The following PRDM5 variants were observed in gnomAD, a reference collection of about 807,000 sequenced individuals.
The protein encoded by PRDM5 is PR/SET domain 5.
PRDM5 carries 56 observed loss-of-function variants against 81.2 expected under a neutral mutation model. The ratio of observed to expected loss-of-function variants is 0.69; its 90% CI spans 0.56 to 0.86. PRDM5 has a LOEUF of 0.86. Among genes scored for constraint, PRDM5 ranks in the 40% least tolerant of loss-of-function variants. The pLI is 0.00. For synonymous variants in PRDM5, 267 were observed against 256.4 expected (o/e 1.04, Z -0.39); for missense variants, 697 against 770.1 (o/e 0.91, Z 1.12).
chr4:120,742,908 A>C (rs1177010088), intron 14 of PRDM5, among the ~76,000 whole-genome samples: 1 of 152,152 alleles, frequency 6.6e-6, no homozygotes, highest in African/African-American at 2.4e-5. Flanking sequence ...GCCAACGTTC[A>C]GGTTCAGGAA....
intron 14 of PRDM5, among the ~76,000 whole-genome samples, chr4:120,753,730 AC>A: frequency 6.6e-6 from 1 of 152,192 alleles, no homozygotes; most frequent in East Asian, 1.9e-4. Flanking sequence ...TCATTTACAT[AC>A]AGACCATACG....
intron 14 of PRDM5, among the ~76,000 whole-genome samples, chr4:120,747,971 G>A (rs942422420): frequency 1.3e-5 from 2 of 152,140 alleles, no homozygotes; most frequent in African/African-American, 2.4e-5. Context: ...GTTTTCTATC[G>A]TAAACAGTTA....
intron 14 of PRDM5, among the ~76,000 whole-genome samples, chr4:120,737,966 T>A (rs1050614708): frequency 1.3e-5 from 2 of 152,188 alleles, no homozygotes; most frequent in Non-Finnish European, 2.9e-5. Context: ...GGCACACAGC[T>A]GCTAAGGAAA....
chr4:120,889,094 T>A (rs1284214584), intron 2 of PRDM5, among the ~76,000 whole-genome samples: 1 of 152,184 alleles, frequency 6.6e-6, no homozygotes, highest in Non-Finnish European at 1.5e-5. Context: ...AATTTATCAT[T>A]TTTCCACTTA....
chr4:120,852,975 C>T (rs532168255), intron 3 of PRDM5, among the ~76,000 whole-genome samples: 1 of 151,846 alleles, frequency 6.6e-6, no homozygotes, highest in East Asian at 1.9e-4. Context: ...CTCTGGGAAA[C>T]CCTGACTAAC....
Position 120,783,510 on chromosome 4 carries a change from T to C in PRDM5, c.1282+1488A>G, listed in dbSNP as rs1190207549. Among the ~76,000 whole-genome samples, 14 of 152,108 alleles carry C rather than the reference T, an allele frequency of 9.2e-5. 1 individual carries two copies. The highest frequency in any genetic ancestry group is 9.2e-4 in the Admixed American group (14 of 15,242). On this transcript the variant is annotated intron_variant, in intron 11 of 15. Transcript: ENST00000264808. ...TGCTGTTATTAGAAATAAAATTTCA[T>C]CATTCCCAAGCAAAATTTCCCAAGC...
At chr4:120,842,675 T>C (rs917007954) in intron 3 of PRDM5, among the ~76,000 whole-genome samples, 18 of 152,276 alleles carry the variant, frequency 1.2e-4, no homozygotes, top group Non-Finnish European at 1.5e-5. Context: ...TAAAATGTTT[T>C]AAATTTTAAA....
rs115656109 is a variant in PRDM5, at chr4:120,877,078, A to T, written c.178-23538T>A. 4.3e-3 allele frequency among the ~76,000 whole-genome samples: 660 copies of T among 152,332 alleles called. 6 individuals carry two copies. The highest frequency in any genetic ancestry group is 0.016 in the African/African-American group (649 of 41,562). On this transcript the variant is annotated intron_variant, in intron 2 of 15. Transcript: ENST00000264808. ...TAAAAAATAACTTTTTCTCATGAGAAGGATAAAGACTAACTTGCTGAAAAA... is the reference window on the plus strand; with the variant it reads ...TAAAAAATAACTTTTTCTCATGAGATGGATAAAGACTAACTTGCTGAAAAA...
chr4:120,815,488 T>C (rs1197752645), intron 7 of PRDM5, among the ~76,000 whole-genome samples: 1 of 152,240 alleles, frequency 6.6e-6, no homozygotes, highest in African/African-American at 2.4e-5. Context: ...TAGCAGTTGT[T>C]CACGCTAGCC....
chr4:120,794,417 T>A (rs1435976281), intron 10 of PRDM5, among the ~76,000 whole-genome samples: 1 of 152,052 alleles, frequency 6.6e-6, no homozygotes, highest in African/African-American at 2.4e-5. Context: ...TTACTGTCTT[T>A]AAGGTCTAAT....
intron 14 of PRDM5, among the ~76,000 whole-genome samples, chr4:120,749,893 C>T (rs1370319993): frequency 6.6e-6 from 1 of 152,072 alleles, no homozygotes; most frequent in African/African-American, 2.4e-5. Flanking sequence ...TTTCTCATGC[C>T]CCAAACCTTC....
chr4:120,781,973 T>C (rs140705026), intron 11 of PRDM5, among the ~76,000 whole-genome samples: 3 of 152,298 alleles, frequency 2.0e-5, no homozygotes, highest in Non-Finnish European at 4.4e-5. Context: ...ACCCTGGGTA[T>C]TTCACTTTCT....
chr4:120,817,684 AT>A lies in PRDM5; in HGVS notation c.650+668del, dbSNP rs567527562. 2.7e-3 allele frequency among the ~76,000 whole-genome samples: 417 copies of A among 152,310 alleles called. 3 individuals are homozygous for A. The highest frequency in any genetic ancestry group is 3.9e-3 in the Non-Finnish European group (267 of 68,000). ...ATTACAAACTTTAATGAGTAAAAAAATAAAACTTTACAAATGCATATACCTA... is the reference window on the plus strand; with the variant it reads ...ATTACAAACTTTAATGAGTAAAAAAAAAAACTTTACAAATGCATATACCTA... On this transcript the variant is annotated intron_variant, in intron 5 of 15. Coordinates refer to ENST00000264808, the MANE Select transcript of PRDM5 (RefSeq NM_018699.4).
chr4:120,876,013 G>A (rs1189705409), intron 2 of PRDM5, among the ~76,000 whole-genome samples: 3 of 152,136 alleles, frequency 2.0e-5, no homozygotes, highest in East Asian at 3.8e-4. Context: ...AACAATCTGA[G>A]CACAATAAAA....
intron 14 of PRDM5, among the ~76,000 whole-genome samples, chr4:120,732,017 A>G (rs1740336231): frequency 1.3e-5 from 2 of 152,148 alleles, no homozygotes; most frequent in Admixed American, 1.3e-4. Context: ...TATAGCTAAG[A>G]TAGTTAAGGA....
At chr4:120,712,880 C>T (rs1737210142) in intron 14 of PRDM5, among the ~76,000 whole-genome samples, 1 of 152,142 alleles carries the variant, frequency 6.6e-6, no homozygotes, top group Non-Finnish European at 1.5e-5. Flanking sequence ...AAGTTATTCC[C>T]AGTTGTTCAC....
intron 3 of PRDM5, among the ~76,000 whole-genome samples, chr4:120,834,648 T>TGTGG (rs1452235900): frequency 1.3e-5 from 2 of 152,200 alleles, no homozygotes; most frequent in Non-Finnish European, 2.9e-5. Flanking sequence ...TGTGTGTTTC[T>TGTGG]GTGGAGTTGT....
chr4:120,735,942 T>A (rs1741047754), intron 14 of PRDM5, among the ~76,000 whole-genome samples: 1 of 152,072 alleles, frequency 6.6e-6, no homozygotes, highest in Non-Finnish European at 1.5e-5. Flanking sequence ...AGGTTGTCCA[T>A]CCCCCAAATA....
chr4:120,785,150 C>T lies in PRDM5; in HGVS notation c.1189-59G>A, dbSNP rs925154976. ...AGAATCAACCAGTCATTACAATGAA[C>T]GAGTGGAGCTTGGATTCATGATGCG... On this transcript the variant is annotated intron_variant, in intron 10 of 15. Coordinates refer to ENST00000264808, the MANE Select transcript of PRDM5 (RefSeq NM_018699.4). 88 of 1,293,358 alleles carry T rather than the reference C, an allele frequency of 6.8e-5. No individual in the cohort carries two copies. The East Asian group carries it at 1.3e-3, about 19-fold the overall frequency. 80.1% of individuals were successfully genotyped at this position (1,293,358 alleles called of 1,614,324 possible). A position where few individuals can be genotyped will look rare whatever the true frequency, so the allele number is the denominator to read the frequency against.
Sources: gnomAD v4.1 joint callset for allele counts (sites outside exome capture counted in the v4.1 genomes callset) on GRCh38, gnomAD v4.1.1 for gene constraint, MANE v1.5 for transcripts, NCBI Gene and HGNC (gene_info 2026-07-23, HGNC 2026-07-21) for gene names.